The following WSB1 variants were observed in gnomAD, a reference collection of about 807,000 sequenced individuals.
WSB1 encodes the protein WD repeat and SOCS box-containing protein 1.
Under a neutral mutation model 50.2 loss-of-function variants are expected in WSB1, and 23 were observed. The ratio of observed to expected loss-of-function variants is 0.46; its 90% confidence interval spans 0.33 to 0.65. WSB1 has a LOEUF of 0.65. Among genes scored for constraint, WSB1 ranks in the 30% least tolerant of loss-of-function variants. The probability of loss-of-function intolerance (pLI) is 0.02; values close to 1 mark genes in which losing one functional copy is unlikely to be tolerated. For synonymous variants in WSB1, 179 were observed against 172.0 expected (o/e 1.04, Z -0.32); for missense variants, 492 against 522.3 (o/e 0.94, Z 0.56).
chr17:27,309,240 T>A lies in WSB1; in HGVS notation c.852T>A (p.Asp284Glu). 1.2e-6 allele frequency: 2 copies of A among 1,611,122 alleles called. No homozygotes were observed. Among genetic ancestry groups the A allele is most frequent in the Non-Finnish European group, 1.7e-6 (2 of 1,178,492 alleles). ...ATGATACTCGAGTATATATCTGGGA[T>A]CCACATAATGGAGACATTCTGATGG... ...ASYDTRVYIW[D>E]PHNGDILMEF... Residue 284 changes from aspartate (D) to glutamate (E), a missense_variant, in exon 6 of 9, where the codon GAT becomes GAA. Transcript: ENST00000262394.
rs1483270167 is a variant in WSB1, at chr17:27,307,673, C to CA, written c.711+795dup. 23 of 1,470,358 alleles carry CA rather than the reference C, an allele frequency of 1.6e-5. No individual in the cohort carries two copies. In the African/African-American group the frequency reaches 3.2e-4, roughly 21 times the overall value. 91.1% of individuals were successfully genotyped at this position (1,470,358 alleles called of 1,614,324 possible). ...AGTTCTTTACAAATCATAAGAAGAA[C>CA]AAAATTAGATGTTGACATTGCTATT... On this transcript the variant is annotated intron_variant, in intron 5 of 8. Coordinates refer to ENST00000262394, the MANE Select transcript of WSB1 (RefSeq NM_015626.10).
chr17:27,306,449 A>G (rs1043369757), intron 4 of WSB1, among the ~76,000 whole-genome samples: 1 of 151,990 alleles, frequency 6.6e-6, no homozygotes, highest in African/African-American at 2.4e-5. Flanking sequence ...TCCTGGCCTC[A>G]AGCAGTCCAC....
rs565976577 is a variant in WSB1 at position 27,294,273 on chromosome 17, C to T, written c.-123C>T. ...GCAGAAGCCGCAGCGGCCGCCCCCGCCCGTCTCCTCTGTCCCTGGGCCCGG... is the reference window on the plus strand; with the variant it reads ...GCAGAAGCCGCAGCGGCCGCCCCCGTCCGTCTCCTCTGTCCCTGGGCCCGG... On this transcript the variant is annotated 5_prime_UTR_variant, in exon 1 of 9. Coordinates refer to ENST00000262394, the MANE Select transcript of WSB1 (RefSeq NM_015626.10). 6.4e-5 allele frequency: 87 copies of T among 1,360,232 alleles called. No individual in the cohort carries two copies. The highest frequency in any genetic ancestry group is 8.1e-5 in the Non-Finnish European group (81 of 1,000,338). The allele number at this position is 1,360,232 out of a possible 1,614,324, so 84.3% of individuals were successfully genotyped here.
rs2016844902 is a variant in WSB1, at chr17:27,294,185, T to A, written c.-211T>A. On this transcript the variant is annotated 5_prime_UTR_variant, in exon 1 of 9. Transcript: ENST00000262394. ...CAGGCGCGAGGCTGGGTACAGGGTC[T>A]ATTGTCTGTGGTTGACTCCGTACTT... is the stretch of plus-strand genomic sequence containing the variant. 1.9e-6 allele frequency: 1 copy of A among 523,028 alleles called. No individual in the cohort carries two copies. The allele number at this position is 523,028 out of a possible 1,614,324, so 32.4% of individuals were successfully genotyped here. A position where few individuals can be genotyped will look rare whatever the true frequency, so the allele number is the denominator to read the frequency against.
chr17:27,298,132 A>G (rs1344915999), intron 1 of WSB1, among the ~76,000 whole-genome samples: 2 of 149,664 alleles, frequency 1.3e-5, no homozygotes, highest in Non-Finnish European at 3.0e-5. Flanking sequence ...CTCAGAAAAA[A>G]AAAAAAAAAA....
At chr17:27,300,527 T>C (rs996125824) in intron 1 of WSB1, among the ~76,000 whole-genome samples, 3 of 152,174 alleles carry the variant, frequency 2.0e-5, no homozygotes, top group African/African-American at 7.2e-5. Context: ...CCAATTTTTG[T>C]TAGGAATACA....
Position 27,301,963 on chromosome 17 carries a change from CTG to C in WSB1, c.209+9_209+10del. 2 of 1,545,920 alleles carry C rather than the reference CTG, an allele frequency of 1.3e-6. No individual in the cohort carries two copies. Among genetic ancestry groups the C allele is most frequent in the Non-Finnish European group, 1.7e-6 (2 of 1,151,820 alleles). On this transcript the variant is annotated splice_region_variant and intron_variant, in intron 2 of 8. Transcript: ENST00000262394. Reference sequence around the variant, plus strand: ...CCCAGTGCCTTCAGAACTTGTAAGACTGTTACTTTTCTGTATTTTGTATCTGT... The same window carrying C: ...CCCAGTGCCTTCAGAACTTGTAAGACTTACTTTTCTGTATTTTGTATCTGT...
intron 7 of WSB1, among the ~76,000 whole-genome samples, chr17:27,310,625 C>G (rs62058566): frequency 0.057 from 8,657 of 152,310 alleles, 351 homozygotes; most frequent in Non-Finnish European, 0.095. Flanking sequence ...TTGCAACCAT[C>G]TGTGTTCATG....
chr17:27,302,425 AAAAAG>A (rs1356608531), intron 2 of WSB1: 2 of 152,956 alleles, frequency 1.3e-5, no homozygotes, highest in African/African-American at 4.8e-5. Context: ...AAAAAAAAAA[AAAAAG>A]AATTGTCTGG....
chr17:27,306,059 C>T (rs746286965), intron 4 of WSB1, among the ~76,000 whole-genome samples: 53 of 152,072 alleles, frequency 3.5e-4, no homozygotes, highest in Non-Finnish European at 6.8e-4. Context: ...GGGTATAATA[C>T]ACAAGGACTT....
intron 1 of WSB1, among the ~76,000 whole-genome samples, chr17:27,298,461 C>G (rs1307030791): frequency 2.6e-5 from 4 of 152,204 alleles, no homozygotes; most frequent in East Asian, 1.9e-4. Flanking sequence ...GTGGGTCATG[C>G]CTTAATCTCA....
intron 5 of WSB1, chr17:27,307,763 T>C: frequency 6.5e-7 from 1 of 1,535,322 alleles, no homozygotes; most frequent in Non-Finnish European, 8.7e-7. Context: ...GCAATATTGG[T>C]GTGATTGAGG....
chr17:27,311,703 C>A, intron 8 of WSB1, 87 bp downstream of exon 8: 2 of 955,292 alleles, frequency 2.1e-6, no homozygotes, highest in Non-Finnish European at 2.9e-6. Flanking sequence ...GCAATCTCTG[C>A]TCACTGTAGC....
At chr17:27,305,527 C>T (rs1345619065) in intron 4 of WSB1, among the ~76,000 whole-genome samples, 1 of 152,220 alleles carries the variant, frequency 6.6e-6, no homozygotes, top group Non-Finnish European at 1.5e-5. Flanking sequence ...TTCCCTTTCT[C>T]AGTCCCTAAT....
intron 5 of WSB1, chr17:27,308,388 ATAAT>A: frequency 4.1e-6 from 4 of 985,290 alleles, no homozygotes; most frequent in Non-Finnish European, 4.8e-6. Flanking sequence ...TTATTCTTAA[ATAAT>A]TGAACCGTTT....
chr17:27,294,732 C>T (rs759202417), intron 1 of WSB1, among the ~76,000 whole-genome samples: 1 of 152,150 alleles, frequency 6.6e-6, no homozygotes, highest in Admixed American at 6.5e-5. Context: ...GAGTTCTTGG[C>T]TCAGGGCATG....
chr17:27,294,324 C>T lies in WSB1; in HGVS notation c.-72C>T. 5 of 1,588,270 alleles carry T rather than the reference C, an allele frequency of 3.1e-6. No individual in the cohort carries two copies. Among genetic ancestry groups the T allele is most frequent in the Non-Finnish European group, 4.3e-6 (5 of 1,161,778 alleles). ...GAGGGACCAACTTGGCGTCACGCCCCTCAGCGGTCGCCACTCTCTTCTCTG... is the reference window on the plus strand; with the variant it reads ...GAGGGACCAACTTGGCGTCACGCCCTTCAGCGGTCGCCACTCTCTTCTCTG... On this transcript the variant is annotated 5_prime_UTR_variant, in exon 1 of 9. Transcript: ENST00000262394.
At chr17:27,297,054 C>T (rs776355214) in intron 1 of WSB1, 3 of 151,892 alleles carry the variant, frequency 2.0e-5, no homozygotes, top group Non-Finnish European at 4.4e-5. Context: ...TATAATGGCT[C>T]TATTTCTTGA....
rs1408356484 is a variant in WSB1 at position 27,314,866 on chromosome 17, CACTGTTGGCCA to C, written c.*2498_*2508del. 1 of 152,012 alleles carries C rather than the reference CACTGTTGGCCA, an allele frequency of 6.6e-6. No individual in the cohort carries two copies. The highest frequency in any genetic ancestry group is 1.5e-5 in the Non-Finnish European group (1 of 68,038). The allele number at this position is 152,012 out of a possible 1,614,324, so 9.4% of individuals were successfully genotyped here. On this transcript the variant is annotated 3_prime_UTR_variant, in exon 9 of 9. Transcript: ENST00000262394. ...TGTATTTTTAGGACAGACGGCGTTT[CACTGTTGGCCA>C]GACTGGTCTCAAACTCCTGACCTCG...
Sources: allele counts gnomAD v4.1 joint callset (sites outside exome capture counted in the v4.1 genomes callset), GRCh38; gene constraint gnomAD v4.1.1; transcripts MANE v1.5; gene names NCBI Gene and HGNC (gene_info 2026-07-23, HGNC 2026-07-21).